VGLL1: variants seen among roughly 807,000 people sequenced by gnomAD.
VGLL1 encodes the protein vestigial like family member 1.
Under a neutral mutation model 12.0 loss-of-function variants are expected in VGLL1, and 4 were observed. The observed-to-expected ratio is 0.33, with a 90% CI of 0.16 to 0.76. VGLL1 has a LOEUF of 0.76. Ranked by LOEUF, VGLL1 falls within the 30% of genes least tolerant of loss-of-function variation. The probability of loss-of-function intolerance (pLI) is 0.60; values close to 1 mark genes in which losing one functional copy is unlikely to be tolerated. For missense variants in VGLL1, 204 were observed against 208.7 expected (o/e 0.98, Z 0.14); for synonymous variants, 87 against 81.2 (o/e 1.07, Z -0.39).
intron 4 of VGLL1, among the ~76,000 whole-genome samples, chrX:136,555,753 T>C (rs1344407704): frequency 8.9e-6 from 1 of 112,160 alleles, no homozygotes; most frequent in African/African-American, 3.2e-5. Flanking sequence ...GTGTGGGATA[T>C]TTAAAGAGAG....
intron 1 of VGLL1, among the ~76,000 whole-genome samples, chrX:136,535,513 C>T (rs2075837293): frequency 1.8e-5 from 2 of 110,976 alleles, no homozygotes; most frequent in Non-Finnish European, 3.8e-5. Flanking sequence ...TACTCCTCTG[C>T]GTGCGAGTGG....
chrX:136,556,122 A>T (rs1021003129), intron 4 of VGLL1, among the ~76,000 whole-genome samples: 3 of 111,877 alleles, frequency 2.7e-5, no homozygotes, highest in East Asian at 5.6e-4. Context: ...CTGATGAATG[A>T]CATACTTTCA....
chrX:136,553,306 CTTTTTTT>C lies in VGLL1; in HGVS notation c.688+2500_688+2506del, dbSNP rs1226003954. 2.2e-3 allele frequency among the ~76,000 whole-genome samples: 156 copies of C among 72,397 alleles called. 3 individuals are homozygous for C. Among genetic ancestry groups the C allele is most frequent in the South Asian group, 3.1e-3 (4 of 1,277 alleles). 62.9% of individuals were successfully genotyped at this position (72,397 alleles called of 115,157 possible). On this transcript the variant is annotated intron_variant, in intron 4 of 4. Coordinates refer to ENST00000370634, the MANE Select transcript of VGLL1 (RefSeq NM_016267.4). Reference sequence around the variant, plus strand: ...CTCAGTTGCCTCTTCATGTTTTATTCTTTTTTTTTTTTTTTTTTTTTGAGATGAAGTT... The same window carrying C: ...CTCAGTTGCCTCTTCATGTTTTATTCTTTTTTTTTTTTTTGAGATGAAGTT...
At chrX:136,542,353 G>A (rs956762887) in intron 2 of VGLL1, among the ~76,000 whole-genome samples, 3 of 112,057 alleles carry the variant, frequency 2.7e-5, no homozygotes, top group Non-Finnish European at 5.6e-5. Flanking sequence ...AGCTTCCAGC[G>A]AATACCAGAC....
chrX:136,548,463 G>T (rs1012137416), intron 2 of VGLL1, 126 bp from the exon 3 acceptor site: 17 of 701,209 alleles, frequency 2.4e-5, no homozygotes, highest in South Asian at 1.7e-4. Context: ...TCATTAGGAT[G>T]ATTTTATTTT....
Position 136,556,736 on chromosome X carries a change from C to T in VGLL1, c.*197C>T, listed in dbSNP as rs1411670944. The T allele has an allele frequency of 2.6e-6, 1 of 390,041 alleles. No homozygotes were observed. The highest frequency in any genetic ancestry group is 4.4e-6 in the Non-Finnish European group (1 of 225,609). 32.1% of individuals were successfully genotyped at this position (390,041 alleles called of 1,213,427 possible). A position where few individuals can be genotyped will look rare whatever the true frequency, so the allele number is the denominator to read the frequency against. The stretch of plus-strand genomic sequence containing the variant: ...CCCCGCTGTCAATGTTCCCCATCCA[C>T]ACCCTGCTTGCTCCTGTGTAACAGC... On this transcript the variant is annotated 3_prime_UTR_variant, in exon 5 of 5. Transcript: ENST00000370634.
intron 3 of VGLL1, 65 bp from the exon 4 acceptor site, chrX:136,550,703 C>G (rs749473657): frequency 1.0e-5 from 10 of 964,228 alleles, no homozygotes; most frequent in Non-Finnish European, 1.3e-5. Context: ...TGGAATGCTA[C>G]TGGGCACTCT....
At chrX:136,537,086 C>G (rs760660851) in intron 2 of VGLL1, among the ~76,000 whole-genome samples, 2 of 112,175 alleles carry the variant, frequency 1.8e-5, no homozygotes, top group African/African-American at 6.5e-5. Context: ...AAAATCAAAG[C>G]TGGCTGGGTG....
intron 1 of VGLL1, among the ~76,000 whole-genome samples, chrX:136,533,351 C>T (rs1395420456): frequency 9.0e-6 from 1 of 111,161 alleles, no homozygotes; most frequent in East Asian, 2.8e-4. Flanking sequence ...GGTGAAGAGG[C>T]TGAAACACCA....
intron 4 of VGLL1, among the ~76,000 whole-genome samples, chrX:136,554,594 T>C (rs148153451): frequency 2.7e-5 from 3 of 111,582 alleles, no homozygotes; most frequent in Non-Finnish European, 3.8e-5. Context: ...AGCTGTTCTG[T>C]AGAGGACACA....
chrX:136,535,101 G>A (rs1002994755), intron 1 of VGLL1, among the ~76,000 whole-genome samples: 1 of 111,641 alleles, frequency 9.0e-6, no homozygotes. Flanking sequence ...GAGGGCCCAC[G>A]GTGTGCCAGG....
chrX:136,550,251 A>G (rs751908872), intron 3 of VGLL1, among the ~76,000 whole-genome samples: 15 of 112,747 alleles, frequency 1.3e-4, no homozygotes, highest in Non-Finnish European at 2.8e-4. Context: ...CTGTGCTTGT[A>G]TATATGCCTG....
intron 2 of VGLL1, among the ~76,000 whole-genome samples, chrX:136,548,286 C>T (rs10218220): frequency 9.0e-6 from 1 of 111,660 alleles, no homozygotes; most frequent in African/African-American, 3.3e-5. Flanking sequence ...CAGGCATGAG[C>T]CACTGTGCCT....
intron 4 of VGLL1, among the ~76,000 whole-genome samples, chrX:136,552,964 A>C (rs2075890569): frequency 8.9e-6 from 1 of 111,889 alleles, no homozygotes; most frequent in African/African-American, 3.3e-5. Flanking sequence ...GCAAAGAAAA[A>C]TATACCTTTG....
intron 2 of VGLL1, among the ~76,000 whole-genome samples, chrX:136,539,879 C>T (rs984128215): frequency 8.9e-6 from 1 of 111,854 alleles, no homozygotes; most frequent in African/African-American, 3.2e-5. Context: ...CCTGCTCTGC[C>T]CACAGTCTTT....
chrX:136,547,799 G>T (rs909125886), intron 2 of VGLL1, among the ~76,000 whole-genome samples: 2 of 111,962 alleles, frequency 1.8e-5, no homozygotes, highest in African/African-American at 6.5e-5. Context: ...TAAGGAGCTG[G>T]TTGGATCCGG....
chrX:136,553,693 T>C (rs2075893421), intron 4 of VGLL1, among the ~76,000 whole-genome samples: 1 of 112,345 alleles, frequency 8.9e-6, no homozygotes, highest in East Asian at 2.8e-4. Flanking sequence ...ATTTAGGTTG[T>C]TCTGAAAGAT....
intron 4 of VGLL1, among the ~76,000 whole-genome samples, chrX:136,553,306 C>CT (rs1226003954): frequency 0.012 from 878 of 72,373 alleles, 18 homozygotes; most frequent in African/African-American, 0.029. Context: ...ATGTTTTATT[C>CT]TTTTTTTTTT....
At chrX:136,553,306 CTTTTTTTTTT>C (rs1226003954) in intron 4 of VGLL1, among the ~76,000 whole-genome samples, 1 of 72,416 alleles carries the variant, frequency 1.4e-5, no homozygotes, top group Non-Finnish European at 2.5e-5. Flanking sequence ...ATGTTTTATT[CTTTTTTTTTT>C]TTTTTTTTTT....
Sources: allele counts gnomAD v4.1 joint callset (sites outside exome capture counted in the v4.1 genomes callset), GRCh38; gene constraint gnomAD v4.1.1; transcripts MANE v1.5; gene names NCBI Gene and HGNC (gene_info 2026-07-23, HGNC 2026-07-21).